The following RGS6 variants were observed in gnomAD, a reference collection of about 807,000 sequenced individuals.
RGS6 encodes the protein regulator of G protein signaling 6.
Under a neutral mutation model 78.5 loss-of-function variants are expected in RGS6, and 30 were observed. The ratio of observed to expected loss-of-function variants is 0.38; its 90% CI spans 0.29 to 0.52. The LOEUF (loss-of-function observed/expected upper bound fraction) is 0.52, where lower values mean the gene tolerates loss of function less well. RGS6 is among the 20% of genes least tolerant of loss of function. The pLI, the probability that RGS6 is intolerant of heterozygous loss-of-function variation, is 0.85. For missense variants in RGS6, 495 were observed against 609.7 expected (o/e 0.81, Z 1.98); for synonymous variants, 206 against 206.0 (o/e 1.00, Z 0.00).
At chr14:72,402,978 A>G (rs1192930303) in intron 3 of RGS6, among the ~76,000 whole-genome samples, 2 of 151,682 alleles carry the variant, frequency 1.3e-5, no homozygotes. Context: ...TTTAGTTGAG[A>G]TGGGGTTTCG....
intron 3 of RGS6, 25 bp downstream of exon 3, chr14:72,352,219 G>A: frequency 2.6e-6 from 4 of 1,558,396 alleles, no homozygotes; most frequent in Non-Finnish European, 2.7e-6. Flanking sequence ...GCAAGGTGTT[G>A]GTAACAGTCA....
At chr14:72,611,542 C>G in the RGS6 span, among the ~76,000 whole-genome samples, 1 of 152,040 alleles carries the variant, frequency 6.6e-6, no homozygotes, top group Non-Finnish European at 1.5e-5. Context: ...TCTGCTTTCT[C>G]TAGCAGGGAA....
At chr14:72,457,015 TC>T (rs1295120820) in intron 4 of RGS6, among the ~76,000 whole-genome samples, 4 of 148,900 alleles carry the variant, frequency 2.7e-5, no homozygotes, top group African/African-American at 1.0e-4. Context: ...GCCCAGGAGT[TC>T]AAGTCTGCAA....
At chr14:72,525,424 A>C (rs1357316642) in intron 15 of RGS6, among the ~76,000 whole-genome samples, 2 of 152,218 alleles carry the variant, frequency 1.3e-5, no homozygotes, top group East Asian at 3.8e-4. Context: ...GAACTCACAA[A>C]AGGATCAAAG....
At chr14:72,557,271 C>T (rs1329968802) in intron 17 of RGS6, among the ~76,000 whole-genome samples, 2 of 152,194 alleles carry the variant, frequency 1.3e-5, no homozygotes, top group African/African-American at 4.8e-5. Context: ...TGGATTTTCC[C>T]ACCATCCCCT....
chr14:72,201,213 T>C (rs2041501852), intron 2 of RGS6, among the ~76,000 whole-genome samples: 1 of 152,190 alleles, frequency 6.6e-6, no homozygotes, highest in Admixed American at 6.5e-5. Context: ...GCTCTCTGTA[T>C]GTTCACATAT....
At chr14:72,073,091 A>G (rs1001082024) in intron 2 of RGS6, among the ~76,000 whole-genome samples, 2 of 152,148 alleles carry the variant, frequency 1.3e-5, no homozygotes, top group African/African-American at 4.8e-5. Flanking sequence ...TCCTTCTGCC[A>G]CTCACTAGAT....
chr14:71,930,659 T>C (rs2087799121), upstream of RGS6, among the ~76,000 whole-genome samples: 3 of 152,088 alleles, frequency 2.0e-5, no homozygotes, highest in Admixed American at 6.6e-5. Flanking sequence ...CATGCTGTAC[T>C]TGGCCCTCAA....
At chr14:72,386,003 C>G (rs2152919299) in intron 3 of RGS6, among the ~76,000 whole-genome samples, 1 of 152,094 alleles carries the variant, frequency 6.6e-6, no homozygotes, top group South Asian at 2.1e-4. Context: ...GCTGGATAAA[C>G]CTTAAAAATT....
At chr14:72,550,708 T>C in intron 17 of RGS6, 1 of 1,371,490 alleles carries the variant, frequency 7.3e-7, no homozygotes, top group Non-Finnish European at 9.6e-7. Context: ...AATCCGGTGG[T>C]TTTACACCTG....
chr14:72,327,434 C>G (rs1173330215), intron 2 of RGS6, among the ~76,000 whole-genome samples: 1 of 152,202 alleles, frequency 6.6e-6, no homozygotes, highest in Admixed American at 6.5e-5. Context: ...TAAGCTGCAT[C>G]TAACTATTAC....
chr14:71,886,350 G>T, the RGS6 span, among the ~76,000 whole-genome samples: 1 of 152,150 alleles, frequency 6.6e-6, no homozygotes, highest in Admixed American at 6.5e-5. Flanking sequence ...TTTATTCCTG[G>T]CAGGATCTTC....
the RGS6 span, among the ~76,000 whole-genome samples, chr14:72,573,751 C>T: frequency 1.3e-5 from 2 of 152,228 alleles, no homozygotes; most frequent in Admixed American, 1.3e-4. Context: ...TGCTTGCCAC[C>T]CTCACAAAGC....
intron 2 of RGS6, among the ~76,000 whole-genome samples, chr14:72,016,555 T>C (rs1046386066): frequency 1.6e-4 from 24 of 152,162 alleles, no homozygotes; most frequent in African/African-American, 5.1e-4. Flanking sequence ...TTAGTAGAGA[T>C]GGGGTTTCAC....
chr14:72,573,081 G>C, the RGS6 span, among the ~76,000 whole-genome samples: 1 of 152,208 alleles, frequency 6.6e-6, no homozygotes, highest in Non-Finnish European at 1.5e-5. Context: ...TAGTGCCAAA[G>C]ACAGGATCAG....
At chr14:72,083,590 G>A (rs978660684) in intron 2 of RGS6, among the ~76,000 whole-genome samples, 3 of 152,118 alleles carry the variant, frequency 2.0e-5, no homozygotes, top group East Asian at 1.9e-4. Flanking sequence ...GACGTCCCTC[G>A]GATGGAGCTG....
At chr14:72,360,781 T>C (rs1331578508) in intron 3 of RGS6, among the ~76,000 whole-genome samples, 1 of 152,114 alleles carries the variant, frequency 6.6e-6, no homozygotes, top group East Asian at 1.9e-4. Flanking sequence ...GTGACTGATA[T>C]GGTTTGGCTC....
intron 2 of RGS6, among the ~76,000 whole-genome samples, chr14:72,151,756 G>T (rs572437051): frequency 6.6e-6 from 1 of 152,326 alleles, no homozygotes; most frequent in African/African-American, 2.4e-5. Context: ...GGTAAAAAGA[G>T]ATTGAGGAGA....
In RGS6 at chr14:72,202,523, G is replaced by A. The variant is rs189985087; in HGVS notation, c.85-149572G>A. ...TCAGGAAGAACTTACACAACCAATC[G>A]ATGGCCTCAGTTTAATATAACATTT... On this transcript the variant is annotated intron_variant, in intron 2 of 17. Transcript: ENST00000553525. 2.3e-4 allele frequency among the ~76,000 whole-genome samples: 35 copies of A among 152,198 alleles called. No individual in the cohort carries two copies. The East Asian group carries it at 6.2e-3, about 27-fold the overall frequency.
Sources: allele counts gnomAD v4.1 joint callset (sites outside exome capture counted in the v4.1 genomes callset), GRCh38; gene constraint gnomAD v4.1.1; transcripts MANE v1.5; gene names NCBI Gene and HGNC (gene_info 2026-07-23, HGNC 2026-07-21).